Variants in ERLEC1 observed in about 807,000 individuals in gnomAD.
ERLEC1 encodes ER lectin.
A neutral mutation model predicts 68.0 loss-of-function variants in ERLEC1; 47 were observed. That is an observed-to-expected ratio of 0.69 (90% confidence interval 0.55 to 0.88). The LOEUF is 0.88. Ranked by LOEUF, ERLEC1 falls within the 40% of genes least tolerant of loss-of-function variation. The pLI, the probability that ERLEC1 is intolerant of heterozygous loss-of-function variation, is 0.00. For synonymous variants in ERLEC1, 225 were observed against 203.2 expected (o/e 1.11, Z -0.91); for missense variants, 567 against 583.8 (o/e 0.97, Z 0.30).
chr2:53,814,995 C>CTTTTTTTTTT (rs777632156), intron 13 of ERLEC1, 60 bp downstream of exon 13: 1,813 of 469,978 alleles, frequency 3.9e-3, no homozygotes, highest in African/African-American at 0.012. Flanking sequence ...ATTTTTTTTT[C>CTTTTTTTTTT]TTTTTTTTTT....
In ERLEC1 at chr2:53,813,029, T is replaced by C; in HGVS notation, c.1182T>C (p.Thr394=). The C allele has an allele frequency of 1.9e-6, 3 of 1,613,368 alleles. No individual in the cohort carries two copies. Among genetic ancestry groups the C allele is most frequent in the Non-Finnish European group, 2.5e-6 (3 of 1,179,870 alleles). ...ATATTGAATGGGCTAAGAAGAATACTGCTAGAGCTTATCATCTTCAAGACG... is the reference window on the plus strand; with the variant it reads ...ATATTGAATGGGCTAAGAAGAATACCGCTAGAGCTTATCATCTTCAAGACG... ...EEHIEWAKKN[T]ARAYHLQDDG... Residue 394 remains threonine, a synonymous_variant, in exon 11 of 14, where the codon ACT becomes ACC. Transcript: ENST00000185150.
chr2:53,812,882 TC>T lies in ERLEC1; in HGVS notation c.1102-66del. 3 of 1,546,736 alleles carry T rather than the reference TC, an allele frequency of 1.9e-6. 1 individual carries two copies. The South Asian group carries it at 3.6e-5, about 19-fold the overall frequency. The stretch of plus-strand genomic sequence containing the variant: ...AAGACTAGCTTACAAGAAGGTCAGG[TC>T]ATCAGCATAAATATCTACTTGATGA... On this transcript the variant is annotated intron_variant, in intron 10 of 13. Coordinates refer to ENST00000185150, the MANE Select transcript of ERLEC1 (RefSeq NM_015701.5).
intron 8 of ERLEC1, among the ~76,000 whole-genome samples, chr2:53,803,994 G>C (rs868595698): frequency 6.6e-6 from 1 of 152,044 alleles, no homozygotes; most frequent in Admixed American, 6.6e-5. Context: ...AGCCAGGCAC[G>C]GTGATACACA....
chr2:53,815,066 CA>C, intron 13 of ERLEC1, 131 bp downstream of exon 13: 1 of 557,316 alleles, frequency 1.8e-6, no homozygotes, highest in Non-Finnish European at 3.0e-6. Flanking sequence ...AGTGCCGTGG[CA>C]TAATCTTGGC....
At chr2:53,802,664 C>T (rs955227708) in intron 8 of ERLEC1, among the ~76,000 whole-genome samples, 12 of 152,084 alleles carry the variant, frequency 7.9e-5, no homozygotes, top group Non-Finnish European at 1.6e-4. Context: ...TAATACAAAC[C>T]CCTTTGTGGT....
At chr2:53,808,573 C>A in intron 9 of ERLEC1, 113 bp downstream of exon 9, 2 of 987,586 alleles carry the variant, frequency 2.0e-6, no homozygotes, top group Non-Finnish European at 1.5e-6. Flanking sequence ...ATGACAGGAT[C>A]CTTTCATCCC....
At chr2:53,803,154 C>T (rs1020779049) in intron 8 of ERLEC1, among the ~76,000 whole-genome samples, 2 of 152,090 alleles carry the variant, frequency 1.3e-5, no homozygotes, top group Non-Finnish European at 2.9e-5. Flanking sequence ...TTCATTAAAC[C>T]AGAAGGCAGA....
chr2:53,817,835 C>A, intron 13 of ERLEC1, 63 bp from the exon 14 acceptor site: 1 of 919,116 alleles, frequency 1.1e-6, no homozygotes, highest in Non-Finnish European at 1.8e-6. Context: ...ATCCATTCAG[C>A]AGAATAGTAC....
chr2:53,815,672 A>G (rs1319234253), intron 13 of ERLEC1, among the ~76,000 whole-genome samples: 1 of 152,092 alleles, frequency 6.6e-6, no homozygotes, highest in Non-Finnish European at 1.5e-5. Context: ...ATAGTGTATA[A>G]TATTTCTGTA....
chr2:53,801,585 T>A lies in ERLEC1; in HGVS notation c.714T>A (p.Ile238=). 1 of 1,614,086 alleles carries A rather than the reference T, an allele frequency of 6.2e-7. No homozygotes were observed. Among genetic ancestry groups the A allele is most frequent in the South Asian group, 1.1e-5 (1 of 91,080 alleles). ...CAACTTGTGAATATGAAGTTGTCATTTTGACACCACTCTTGTGCAGTCATC... is the reference window on the plus strand; with the variant it reads ...CAACTTGTGAATATGAAGTTGTCATATTGACACCACTCTTGTGCAGTCATC... ...EVTTCEYEVV[I]LTPLLCSHPK... is the part of the protein sequence containing the mutation. Residue 238 remains isoleucine (I), a synonymous_variant, in exon 7 of 14, where the codon ATT becomes ATA. Transcript: ENST00000185150.
intron 8 of ERLEC1, among the ~76,000 whole-genome samples, chr2:53,807,928 G>A (rs1029755380): frequency 6.6e-6 from 1 of 152,028 alleles, no homozygotes; most frequent in African/African-American, 2.4e-5. Context: ...TGGAGGCTGA[G>A]GCAGGAGAAT....
rs1381369668 is a variant in ERLEC1, at chr2:53,799,107, C to T, written c.525+26C>T. 5 of 1,600,224 alleles carry T rather than the reference C, an allele frequency of 3.1e-6. No individual in the cohort carries two copies. In the South Asian group the frequency reaches 4.5e-5, roughly 14 times the overall value. On this transcript the variant is annotated intron_variant, in intron 6 of 13. Transcript: ENST00000185150. The stretch of plus-strand genomic sequence containing the variant: ...GCAAGTGACAGATGTTGATTTTTTT[C>T]CTCTTAACACTTATTGTTAGTGAGG...
chr2:53,795,127 T>C (rs1675620112), intron 2 of ERLEC1, among the ~76,000 whole-genome samples: 1 of 152,242 alleles, frequency 6.6e-6, no homozygotes, highest in African/African-American at 2.4e-5. Flanking sequence ...TCTTAGCCCA[T>C]GCCCTTTTCT....
At chr2:53,796,275 C>G (rs952329110) in intron 3 of ERLEC1, among the ~76,000 whole-genome samples, 1 of 141,016 alleles carries the variant, frequency 7.1e-6, no homozygotes, top group African/African-American at 2.6e-5. Context: ...TTTTAATCCT[C>G]TCCCTCCTCC....
rs1174363522 is a variant in ERLEC1 at position 53,814,526 on chromosome 2, G to A, written c.1227-17G>A. 1 of 1,592,088 alleles carries A rather than the reference G, an allele frequency of 6.3e-7. No homozygotes were observed. The highest frequency in any genetic ancestry group is 8.6e-7 in the Non-Finnish European group (1 of 1,162,296). Reference sequence around the variant, plus strand: ...GAGATTTTAGTTTAATAAAACTTGTGTGTTTCTCTGATTCAGGATGGTGTC... The same window carrying A: ...GAGATTTTAGTTTAATAAAACTTGTATGTTTCTCTGATTCAGGATGGTGTC... On this transcript the variant is annotated splice_polypyrimidine_tract_variant and intron_variant, in intron 11 of 13. Coordinates refer to ENST00000185150, the MANE Select transcript of ERLEC1 (RefSeq NM_015701.5).
rs201251478 is a variant in ERLEC1 at position 53,797,713 on chromosome 2, A to T, written c.427-19A>T. 677 of 1,601,868 alleles carry T rather than the reference A, an allele frequency of 4.2e-4. 12 individuals carry two copies. In the East Asian group the frequency reaches 0.015, roughly 35 times the overall value. On this transcript the variant is annotated intron_variant, in intron 4 of 13. Coordinates refer to ENST00000185150, the MANE Select transcript of ERLEC1 (RefSeq NM_015701.5). The stretch of plus-strand genomic sequence containing the variant: ...TTTGCAAAATACTTAGTATATTTTT[A>T]TTTTACTTTTCAATGTAGAAAATAA...
chr2:53,812,491 A>T (rs1676643768), intron 10 of ERLEC1, among the ~76,000 whole-genome samples: 1 of 152,200 alleles, frequency 6.6e-6, no homozygotes, highest in African/African-American at 2.4e-5. Context: ...ATTGCGTAGG[A>T]TGAAGTCAGG....
In ERLEC1 at chr2:53,812,961, G is replaced by A. The variant is rs574958373; in HGVS notation, c.1114G>A (p.Gly372Arg). The change falls in exon 11 of 14, where the codon GGG becomes AGG. Residue 372 changes from glycine to arginine, a missense_variant. Coordinates refer to ENST00000185150, the MANE Select transcript of ERLEC1 (RefSeq NM_015701.5). ...VHQYHEDKDS[G>R]KTSVVVGTWN... ...TTTCCCATATTAGGACAAGGATAGT[G>A]GGAAAACCTCTGTGGTTGTCGGGAC... 8.9e-5 allele frequency: 143 copies of A among 1,610,984 alleles called. No individual in the cohort carries two copies. The highest frequency in any genetic ancestry group is 1.1e-4 in the Non-Finnish European group (135 of 1,179,402).
At chr2:53,814,022 G>A (rs1676729816) in intron 11 of ERLEC1, among the ~76,000 whole-genome samples, 1 of 152,134 alleles carries the variant, frequency 6.6e-6, no homozygotes, top group Non-Finnish European at 1.5e-5. Flanking sequence ...AACAGTTTGT[G>A]GTATCATGTA....
Sources: allele counts gnomAD v4.1 joint callset (sites outside exome capture counted in the v4.1 genomes callset), GRCh38; gene constraint gnomAD v4.1.1; transcripts MANE v1.5; gene names NCBI Gene and HGNC (gene_info 2026-07-23, HGNC 2026-07-21).